Variants in PPP1R9A observed in about 807,000 individuals in gnomAD.
The protein encoded by PPP1R9A is neurabin-1.
PPP1R9A carries 59 observed loss-of-function variants against 141.9 expected under a neutral mutation model. The ratio of observed to expected loss-of-function variants is 0.42; its 90% CI spans 0.34 to 0.52. PPP1R9A has a LOEUF of 0.52. Ranked by LOEUF, PPP1R9A falls within the 20% of genes least tolerant of loss-of-function variation. PPP1R9A has a pLI of 0.10. For missense variants in PPP1R9A, 1,444 were observed against 1,611.9 expected, an observed-to-expected ratio of 0.90 and a Z score of 1.78; for synonymous variants, 500 against 569.7, an observed-to-expected ratio of 0.88 and a Z score of 1.74.
chr7:94,953,438 A>G (rs1377610195), intron 2 of PPP1R9A, among the ~76,000 whole-genome samples: 1 of 152,004 alleles, frequency 6.6e-6, no homozygotes, highest in Non-Finnish European at 1.5e-5. Context: ...TCTTGACTAT[A>G]TGGGCTCTTT....
rs145673065 is a variant in PPP1R9A, at chr7:94,982,431, A to G, written c.1395+70923A>G. On this transcript the variant is annotated intron_variant, in intron 2 of 19. Transcript: ENST00000433360. ...TTCCACAATGGTTGAACTACTTTAC[A>G]GTCCCACCCACAATGTAAAAGTGTT... Among the ~76,000 whole-genome samples, 336 of 152,334 alleles carry G rather than the reference A, an allele frequency of 2.2e-3. 2 individuals carry two copies. Among genetic ancestry groups the G allele is most frequent in the African/African-American group, 7.5e-3 (311 of 41,584 alleles).
intron 2 of PPP1R9A, among the ~76,000 whole-genome samples, chr7:94,968,952 T>G (rs1356103377): frequency 6.6e-6 from 1 of 152,066 alleles, no homozygotes; most frequent in Non-Finnish European, 1.5e-5. Flanking sequence ...TACTTGTGTA[T>G]GCTTCACGAA....
At chr7:95,172,710 A>G (rs1421109329) in intron 5 of PPP1R9A, among the ~76,000 whole-genome samples, 1 of 151,866 alleles carries the variant, frequency 6.6e-6, no homozygotes, top group African/African-American at 2.4e-5. Flanking sequence ...AACTTTCCCT[A>G]AATTAGTCTG....
intron 2 of PPP1R9A, among the ~76,000 whole-genome samples, chr7:95,045,325 T>C (rs530636612): frequency 7.2e-5 from 11 of 152,312 alleles, no homozygotes; most frequent in Admixed American, 7.2e-4. Flanking sequence ...TGGAGGTCAA[T>C]GGTGGCGTAT....
chr7:94,940,611 C>G lies in PPP1R9A; in HGVS notation c.1395+29103C>G, dbSNP rs546703322. Among the ~76,000 whole-genome samples, 4 of 152,036 alleles carry G rather than the reference C, an allele frequency of 2.6e-5. No individual in the cohort carries two copies. In the South Asian group the frequency reaches 8.3e-4, roughly 32 times the overall value. On this transcript the variant is annotated intron_variant, in intron 2 of 19. Coordinates refer to ENST00000433360, the MANE Select transcript of PPP1R9A (RefSeq NM_001166160.2). The stretch of plus-strand genomic sequence containing the variant: ...TAAAATAAGTTGGCTCTGTTAGCCT[C>G]TAGAGTTCTTAAAAATAATTATAAG...
intron 2 of PPP1R9A, among the ~76,000 whole-genome samples, chr7:94,949,207 G>A (rs1215852604): frequency 6.6e-6 from 1 of 152,118 alleles, no homozygotes; most frequent in Non-Finnish European, 1.5e-5. Flanking sequence ...GGGCTTACAT[G>A]GAGGTGACTC....
chr7:95,233,935 G>A (rs753045680), intron 8 of PPP1R9A, among the ~76,000 whole-genome samples: 20 of 152,048 alleles, frequency 1.3e-4, no homozygotes, highest in Non-Finnish European at 2.6e-4. Context: ...AAATCACATG[G>A]TCATCTCAAT....
intron 2 of PPP1R9A, among the ~76,000 whole-genome samples, chr7:94,943,808 A>C (rs1336434052): frequency 2.0e-5 from 3 of 152,196 alleles, no homozygotes; most frequent in Admixed American, 6.5e-5. Context: ...CTTATGAAAG[A>C]GTTTAGAAAT....
At chr7:95,226,255 A>T in intron 8 of PPP1R9A, 139 bp downstream of exon 8, 1 of 853,544 alleles carries the variant, frequency 1.2e-6, no homozygotes. Flanking sequence ...GTCTCATTGA[A>T]TTTCAAGTAG....
intron 4 of PPP1R9A, among the ~76,000 whole-genome samples, chr7:95,128,939 A>G (rs1028068241): frequency 6.6e-6 from 1 of 152,128 alleles, no homozygotes; most frequent in Non-Finnish European, 1.5e-5. Context: ...AATGTCCTGA[A>G]TGGTGTTTCC....
rs71125098 is a variant in PPP1R9A at position 95,020,041 on chromosome 7, T to TATCATC, written c.1396-91194_1396-91189dup. Among the ~76,000 whole-genome samples, 224 of 150,858 alleles carry TATCATC rather than the reference T, an allele frequency of 1.5e-3. 1 individual carries two copies. Among genetic ancestry groups the TATCATC allele is most frequent in the Non-Finnish European group, 2.2e-3 (149 of 67,638 alleles). On this transcript the variant is annotated intron_variant, in intron 2 of 19. Coordinates refer to ENST00000433360, the MANE Select transcript of PPP1R9A (RefSeq NM_001166160.2). ...CAAAAGGAACAAATGGCTATATCATTATCATCATCATCATCATCATCATCA... is the reference window on the plus strand; with the variant it reads ...CAAAAGGAACAAATGGCTATATCATTATCATCATCATCATCATCATCATCATCATCA...
chr7:95,265,932 C>CT (rs1801218503), intron 12 of PPP1R9A, among the ~76,000 whole-genome samples: 1 of 152,038 alleles, frequency 6.6e-6, no homozygotes, highest in South Asian at 2.1e-4. Context: ...CAGTTTGCAC[C>CT]TAGTCAGCTA....
At chr7:94,958,282 T>G (rs911552300) in intron 2 of PPP1R9A, among the ~76,000 whole-genome samples, 2 of 152,100 alleles carry the variant, frequency 1.3e-5, no homozygotes, top group African/African-American at 4.8e-5. Flanking sequence ...TTAAATTGGC[T>G]TCTCAGGCTC....
intron 2 of PPP1R9A, among the ~76,000 whole-genome samples, chr7:95,018,705 G>A (rs761425775): frequency 1.2e-4 from 19 of 152,130 alleles, no homozygotes; most frequent in Non-Finnish European, 2.8e-4. Flanking sequence ...ACACTGACCC[G>A]CTGTGTGCCA....
At chr7:95,177,555 T>G (rs1447948505) in intron 5 of PPP1R9A, among the ~76,000 whole-genome samples, 1 of 152,086 alleles carries the variant, frequency 6.6e-6, no homozygotes, top group Non-Finnish European at 1.5e-5. Flanking sequence ...TGAATGTAAA[T>G]GGCCTAAATG....
chr7:95,113,196 G>A (rs924153904), intron 3 of PPP1R9A, among the ~76,000 whole-genome samples: 4 of 152,030 alleles, frequency 2.6e-5, no homozygotes, highest in African/African-American at 9.7e-5. Context: ...TTAAGTTGGC[G>A]ATCTAGAAGA....
chr7:95,253,702 T>C (rs1002936548), intron 12 of PPP1R9A, among the ~76,000 whole-genome samples: 9 of 152,130 alleles, frequency 5.9e-5, no homozygotes, highest in Admixed American at 2.6e-4. Flanking sequence ...GGTTTAGTCT[T>C]TGAAGCCAAA....
intron 2 of PPP1R9A, among the ~76,000 whole-genome samples, chr7:94,921,991 G>A (rs1303043376): frequency 1.3e-5 from 2 of 151,742 alleles, no homozygotes; most frequent in African/African-American, 2.4e-5. Context: ...GGCTGGGCCC[G>A]AAATCTATGA....
intron 2 of PPP1R9A, among the ~76,000 whole-genome samples, chr7:94,999,528 A>G (rs1248251632): frequency 2.0e-5 from 3 of 152,050 alleles, no homozygotes; most frequent in African/African-American, 7.3e-5. Context: ...AAGAAAATCA[A>G]CAGAAAACAC....
Sources: gnomAD v4.1 joint callset for allele counts (sites outside exome capture counted in the v4.1 genomes callset) on GRCh38, gnomAD v4.1.1 for gene constraint, MANE v1.5 for transcripts, NCBI Gene and HGNC (gene_info 2026-07-23, HGNC 2026-07-21) for gene names.